KCNK10: variants seen among roughly 807,000 people sequenced by gnomAD.
KCNK10 encodes the protein potassium two pore domain channel subfamily K member 10, also known as potassium channel subfamily K member 10.
Under a neutral mutation model 47.7 loss-of-function variants are expected in KCNK10, and 25 were observed. The observed-to-expected ratio is 0.52, with a 90% CI of 0.38 to 0.73. The LOEUF is 0.73. KCNK10 is among the 30% of genes least tolerant of loss of function. The pLI, the probability that KCNK10 is intolerant of heterozygous loss-of-function variation, is 0.00. For synonymous variants in KCNK10, 303 were observed against 285.6 expected, an observed-to-expected ratio of 1.06 and a Z score of -0.61; for missense variants, 563 against 714.5, an observed-to-expected ratio of 0.79 and a Z score of 2.42.
At chr14:88,217,470 T>C (rs1885659064) in intron 4 of KCNK10, among the ~76,000 whole-genome samples, 1 of 152,248 alleles carries the variant, frequency 6.6e-6, no homozygotes, top group Admixed American at 6.5e-5. Flanking sequence ...AAACTGTAGC[T>C]GAACCTACAA....
At chr14:88,221,428 T>C (rs542380668) in intron 4 of KCNK10, among the ~76,000 whole-genome samples, 4 of 152,154 alleles carry the variant, frequency 2.6e-5, no homozygotes, top group Admixed American at 6.5e-5. Flanking sequence ...AAAGAAGATA[T>C]ACAGATGGCA....
rs1438500128 is a variant in KCNK10 at position 88,260,961 on chromosome 14, C to T, written c.402+2241G>A. 6.6e-6 allele frequency among the ~76,000 whole-genome samples: 1 copy of T among 152,150 alleles called. No homozygotes were observed. The highest frequency in any genetic ancestry group is 2.4e-5 in the African/African-American group (1 of 41,416). On this transcript the variant is annotated intron_variant, in intron 2 of 6. Transcript: ENST00000319231. The surrounding 1 kb of genome is among the most constrained non-coding windows in gnomAD (Gnocchi z 4.5). The stretch of plus-strand genomic sequence containing the variant: ...ACGCTCTCTGACCCTGTCCTTCATT[C>T]AGGTCTCTGAGCTCTCTCATAAAGA...
chr14:88,211,049 T>C (rs1885441209), intron 4 of KCNK10, among the ~76,000 whole-genome samples: 1 of 152,150 alleles, frequency 6.6e-6, no homozygotes, highest in African/African-American at 2.4e-5. Flanking sequence ...TAGATGTTTA[T>C]ACACCCATGT....
intron 4 of KCNK10, among the ~76,000 whole-genome samples, chr14:88,220,618 T>G (rs1480534090): frequency 7.2e-6 from 1 of 139,314 alleles, no homozygotes; most frequent in Non-Finnish European, 1.5e-5. Context: ...AAAAAAAAGG[T>G]CTTTTCAACA....
At chr14:88,225,494 T>C (rs570125944) in intron 4 of KCNK10, among the ~76,000 whole-genome samples, 25 of 152,350 alleles carry the variant, frequency 1.6e-4, no homozygotes, top group African/African-American at 5.5e-4. Context: ...CCATATACTC[T>C]ATTTGTAGTC....
At chr14:88,236,316 C>CA (rs3056657) in intron 3 of KCNK10, among the ~76,000 whole-genome samples, 21 of 146,086 alleles carry the variant, frequency 1.4e-4, no homozygotes, top group East Asian at 4.0e-4. Context: ...GACCCAGTCT[C>CA]AAAAAAAAAA....
intron 1 of KCNK10, among the ~76,000 whole-genome samples, chr14:88,266,021 T>A (rs1041690498): frequency 1.3e-5 from 2 of 152,204 alleles, no homozygotes; most frequent in African/African-American, 2.4e-5. Flanking sequence ...CAGCACTCAC[T>A]GTGCTGTGCT....
intron 1 of KCNK10, among the ~76,000 whole-genome samples, chr14:88,290,214 G>A (rs944989824): frequency 6.6e-6 from 1 of 152,160 alleles, no homozygotes. Flanking sequence ...GAGGGCCAGA[G>A]AGAGGAGGCA....
chr14:88,325,405 T>G (rs1356928716), upstream of KCNK10, among the ~76,000 whole-genome samples: 1 of 152,220 alleles, frequency 6.6e-6, no homozygotes, highest in African/African-American at 2.4e-5. Context: ...CCTCACCATC[T>G]CATATTTCCT....
chr14:88,219,553 AG>A (rs34017639), intron 4 of KCNK10, among the ~76,000 whole-genome samples: 1 of 152,222 alleles, frequency 6.6e-6, no homozygotes, highest in African/African-American at 2.4e-5. Context: ...ATTTATGACA[AG>A]GAAGAGTGAA....
chr14:88,311,037 T>C (rs544308440), intron 1 of KCNK10, among the ~76,000 whole-genome samples: 3 of 152,274 alleles, frequency 2.0e-5, no homozygotes, highest in East Asian at 1.9e-4. Flanking sequence ...GCAATCGCCA[T>C]TGCTTTAAGA....
intron 4 of KCNK10, among the ~76,000 whole-genome samples, chr14:88,220,401 AGC>A (rs1251916991): frequency 6.1e-5 from 7 of 114,958 alleles, no homozygotes; most frequent in African/African-American, 2.4e-4. Context: ...TGGGCGACAG[AGC>A]GAGACTCCGT....
rs1884328931 is a variant in KCNK10, at chr14:88,181,070, C to G, written c.*4465G>C. The G allele has an allele frequency of 5.3e-6, 2 of 374,356 alleles. No individual in the cohort carries two copies. The highest frequency in any genetic ancestry group is 4.6e-5 in the Admixed American group (1 of 21,942). 23.2% of individuals were successfully genotyped at this position (374,356 alleles called of 1,614,324 possible). A position where few individuals can be genotyped will look rare whatever the true frequency, so the allele number is the denominator to read the frequency against. Reference sequence around the variant, plus strand: ...GCAGAGATGTGGAATGCAACACTGGCTGGTTTTTCCTTTCTCGTTTTACAG... The same window carrying G: ...GCAGAGATGTGGAATGCAACACTGGGTGGTTTTTCCTTTCTCGTTTTACAG... On this transcript the variant is annotated 3_prime_UTR_variant, in exon 7 of 7. Transcript: ENST00000319231.
Position 88,192,261 on chromosome 14 carries a change from GACC to G in KCNK10, c.828_830del (p.Val277del), listed in dbSNP as rs765645664. ...CACCAAAGCCCACCGTGGTCAGAGT[GACC>G]ACCACAAAGTAAATGGACTCCAAGG... On this transcript the variant is annotated inframe_deletion, in exon 5 of 7. Coordinates refer to ENST00000319231, the MANE Select transcript of KCNK10 (RefSeq NM_138317.3). The G allele has an allele frequency of 6.2e-7, 1 of 1,613,800 alleles. No homozygotes were observed. The highest frequency in any genetic ancestry group is 8.5e-7 in the Non-Finnish European group (1 of 1,179,868).
chr14:88,286,696 G>C (rs1887768405), intron 1 of KCNK10, among the ~76,000 whole-genome samples: 1 of 152,168 alleles, frequency 6.6e-6, no homozygotes, highest in South Asian at 2.1e-4. Flanking sequence ...TTGGCAGCAG[G>C]CAAGAGAGAA....
rs1267068738 is a variant in KCNK10 at position 88,296,976 on chromosome 14, A to C, written c.52+25771T>G. On this transcript the variant is annotated intron_variant, in intron 1 of 6. Transcript: ENST00000319231. ...GCCAATTAAATTATGACATATTGCT[A>C]GTAAGACACATTCTGATTTCAGAAG... Among the ~76,000 whole-genome samples the C allele has an allele frequency of 3.9e-5, 6 of 152,230 alleles. No homozygotes were observed. The East Asian group carries it at 9.6e-4, about 24-fold the overall frequency.
chr14:88,210,829 GAAAAA>G (rs71126970), intron 4 of KCNK10, among the ~76,000 whole-genome samples: 1 of 138,632 alleles, frequency 7.2e-6, no homozygotes, highest in African/African-American at 2.7e-5. Flanking sequence ...AAAGTTAAAG[GAAAAA>G]AAAAAAAAAA....
Position 88,241,503 on chromosome 14 carries a change from C to G in KCNK10, c.403-683G>C, listed in dbSNP as rs546446771. On this transcript the variant is annotated intron_variant, in intron 2 of 6. Transcript: ENST00000319231. ...CATTCCACTCTCCCCCACCCCCACA[C>G]CACACACACACACATCGCTCTTTTT... 7.7e-5 allele frequency among the ~76,000 whole-genome samples: 11 copies of G among 142,756 alleles called. No individual in the cohort carries two copies. The East Asian group carries it at 2.1e-3, about 28-fold the overall frequency. 93.7% of individuals were successfully genotyped at this position (142,756 alleles called of 152,430 possible).
At chr14:88,221,968 A>T (rs1038357991) in intron 4 of KCNK10, among the ~76,000 whole-genome samples, 1 of 152,232 alleles carries the variant, frequency 6.6e-6, no homozygotes, top group Non-Finnish European at 1.5e-5. Context: ...ATACAGTATG[A>T]TTGCAACTAC....
Sources: gnomAD v4.1 joint callset for allele counts (sites outside exome capture counted in the v4.1 genomes callset) on GRCh38, gnomAD v4.1.1 for gene constraint, Gnocchi (gnomAD v3.1) non-coding constraint, MANE v1.5 for transcripts, NCBI Gene and HGNC (gene_info 2026-07-23, HGNC 2026-07-21) for gene names.